The following MTSS1 variants were observed in gnomAD, a reference collection of about 807,000 sequenced individuals.
MTSS1 encodes the protein MTSS I-BAR domain containing 1, also known as protein MTSS 1.
A neutral mutation model predicts 79.0 loss-of-function variants in MTSS1; 18 were observed. The ratio of observed to expected loss-of-function variants is 0.23; its 90% CI spans 0.16 to 0.34. MTSS1 has a LOEUF of 0.34. Among genes scored for constraint, MTSS1 ranks in the 10% least tolerant of loss-of-function variants. MTSS1 has a pLI of 1.00. For missense variants in MTSS1, 815 were observed against 986.2 expected, an observed-to-expected ratio of 0.83 and a Z score of 2.33; for synonymous variants, 341 against 368.6, an observed-to-expected ratio of 0.93 and a Z score of 0.86.
chr8:124,654,406 C>A (rs1361440275), intron 3 of MTSS1, among the ~76,000 whole-genome samples: 1 of 152,114 alleles, frequency 6.6e-6, no homozygotes, highest in Non-Finnish European at 1.5e-5. Context: ...TCACTTTCCA[C>A]GGTGAGAGGA....
At chr8:124,575,029 G>T (rs986327129) in intron 6 of MTSS1, among the ~76,000 whole-genome samples, 23 of 151,728 alleles carry the variant, frequency 1.5e-4, no homozygotes, top group African/African-American at 5.6e-4. Flanking sequence ...ACAATTGCTT[G>T]TATCCCAGAG....
rs187582884 is a variant in MTSS1, at chr8:124,552,884, C to T, written c.*108G>A. 16 of 1,127,368 alleles carry T rather than the reference C, an allele frequency of 1.4e-5. No individual in the cohort carries two copies. The highest frequency in any genetic ancestry group is 9.4e-5 in the African/African-American group (6 of 63,760). 69.8% of individuals were successfully genotyped at this position (1,127,368 alleles called of 1,614,324 possible). A position where few individuals can be genotyped will look rare whatever the true frequency, so the allele number is the denominator to read the frequency against. ...GAGTACTTTCAAAAGAGCTATATTC[C>T]GAGTTGCCTACAAAATCTTTTGTTT... On this transcript the variant is annotated 3_prime_UTR_variant, in exon 14 of 14. Coordinates refer to ENST00000518547, the MANE Select transcript of MTSS1 (RefSeq NM_014751.6).
intron 12 of MTSS1, 21 bp downstream of exon 12, chr8:124,556,211 T>C (rs770644756): frequency 6.2e-7 from 1 of 1,614,130 alleles, no homozygotes; most frequent in Non-Finnish European, 8.5e-7. Flanking sequence ...CCCAACCAGC[T>C]ACTGAGAACA....
intron 3 of MTSS1, among the ~76,000 whole-genome samples, chr8:124,606,945 G>A (rs1428884400): frequency 2.0e-5 from 3 of 152,112 alleles, no homozygotes; most frequent in African/African-American, 7.2e-5. Context: ...TTCAGCCACT[G>A]ACTCCCCTCC....
intron 6 of MTSS1, chr8:124,580,485 C>A (rs935374077): frequency 1.3e-6 from 2 of 1,522,912 alleles, no homozygotes; most frequent in Non-Finnish European, 1.8e-6. Flanking sequence ...TCTGGACAAC[C>A]ACGGAAAGCC....
At chr8:124,558,892 A>G in intron 10 of MTSS1, 1 of 1,480,362 alleles carries the variant, frequency 6.8e-7, no homozygotes, top group Non-Finnish European at 9.0e-7. Flanking sequence ...ACACCACCAA[A>G]ATATAATAAA....
chr8:124,580,725 C>T (rs1220629255), intron 6 of MTSS1: 1 of 685,032 alleles, frequency 1.5e-6, no homozygotes, highest in Non-Finnish European at 2.5e-6. Context: ...GCTGATTAAA[C>T]CCACATCCAC....
intron 3 of MTSS1, among the ~76,000 whole-genome samples, chr8:124,655,268 C>T (rs1051033239): frequency 4.6e-5 from 7 of 152,244 alleles, no homozygotes; most frequent in Non-Finnish European, 8.8e-5. Context: ...AGCTTTTGTT[C>T]TCAAAGTCAT....
chr8:124,620,810 A>G (rs1420792800), intron 3 of MTSS1, among the ~76,000 whole-genome samples: 1 of 152,256 alleles, frequency 6.6e-6, no homozygotes, highest in Non-Finnish European at 1.5e-5. Flanking sequence ...ATCTTCCTGC[A>G]TAAAAAATTA....
chr8:124,688,644 T>C (rs1379341257), intron 3 of MTSS1, among the ~76,000 whole-genome samples: 1 of 152,212 alleles, frequency 6.6e-6, no homozygotes, highest in Non-Finnish European at 1.5e-5. Context: ...GGGTTTCTTA[T>C]TAACAAACAA....
intron 3 of MTSS1, among the ~76,000 whole-genome samples, chr8:124,634,478 C>A (rs1816636665): frequency 1.3e-5 from 2 of 151,976 alleles, no homozygotes; most frequent in South Asian, 4.2e-4. Flanking sequence ...TATAAAAAGT[C>A]CCAATTTGCC....
intron 6 of MTSS1, among the ~76,000 whole-genome samples, chr8:124,576,160 T>A (rs1436706048): frequency 6.6e-6 from 1 of 152,232 alleles, no homozygotes; most frequent in Non-Finnish European, 1.5e-5. Flanking sequence ...CAGAGTCCTT[T>A]AATGTAGTAA....
At chr8:124,672,044 C>A (rs930800249) in intron 3 of MTSS1, among the ~76,000 whole-genome samples, 1 of 152,198 alleles carries the variant, frequency 6.6e-6, no homozygotes, top group Admixed American at 6.5e-5. Context: ...GCTACATCCA[C>A]AGAGATATCA....
At chr8:124,591,387 A>G in intron 3 of MTSS1, 152 bp from the exon 4 acceptor site, 1 of 641,288 alleles carries the variant, frequency 1.6e-6, no homozygotes, top group Non-Finnish European at 2.8e-6. Flanking sequence ...ATGTGTGCAT[A>G]CACACAGGCA....
chr8:124,602,178 C>CATATATATATATATATATAT (rs1381999447), intron 3 of MTSS1, among the ~76,000 whole-genome samples: 3 of 101,416 alleles, frequency 3.0e-5, no homozygotes, highest in African/African-American at 1.4e-4. Flanking sequence ...AAATAAATCT[C>CATATATATATATATATATAT]ATATATATAC....
chr8:124,720,684 C>A (rs1249435161), intron 1 of MTSS1, among the ~76,000 whole-genome samples: 1 of 152,230 alleles, frequency 6.6e-6, no homozygotes, highest in Non-Finnish European at 1.5e-5. Context: ...TGCAACTTCA[C>A]TGCAAGCTCT....
At chr8:124,665,744 G>A (rs1822938265) in intron 3 of MTSS1, among the ~76,000 whole-genome samples, 1 of 152,120 alleles carries the variant, frequency 6.6e-6, no homozygotes. Context: ...GCGCATGCCT[G>A]TAATCCAAGC....
intron 3 of MTSS1, among the ~76,000 whole-genome samples, chr8:124,613,035 C>T (rs1487086756): frequency 6.6e-6 from 1 of 152,148 alleles, no homozygotes; most frequent in Non-Finnish European, 1.5e-5. Context: ...TGGCCTATTT[C>T]CTGAAGGTAT....
chr8:124,665,650 C>A (rs1822915009), intron 3 of MTSS1, among the ~76,000 whole-genome samples: 2 of 152,112 alleles, frequency 1.3e-5, no homozygotes, highest in Non-Finnish European at 2.9e-5. Flanking sequence ...GGTGGATCAC[C>A]TGAGGTTGGG....
Sources: allele counts gnomAD v4.1 joint callset (sites outside exome capture counted in the v4.1 genomes callset), GRCh38; gene constraint gnomAD v4.1.1; transcripts MANE v1.5; gene names NCBI Gene and HGNC (gene_info 2026-07-23, HGNC 2026-07-21).